CDH18: variants seen among roughly 807,000 people sequenced by gnomAD.
CDH18 encodes cadherin-18.
CDH18 carries 31 observed loss-of-function variants against 67.9 expected under a neutral mutation model. That is an observed-to-expected ratio of 0.46 (90% CI 0.34 to 0.62). The LOEUF is 0.62. Ranked by LOEUF, CDH18 falls within the 20% of genes least tolerant of loss-of-function variation. The pLI is 0.01. For synonymous variants in CDH18, 362 were observed against 347.2 expected (o/e 1.04, Z -0.48); for missense variants, 890 against 975.5 (o/e 0.91, Z 1.17).
chr5:20,534,368 G>A (rs1756589670), intron 1 of CDH18, among the ~76,000 whole-genome samples: 1 of 151,856 alleles, frequency 6.6e-6, no homozygotes, highest in African/African-American at 2.4e-5. Context: ...TCTTGATATT[G>A]CACAAAAAGA....
chr5:19,805,186 G>T lies in CDH18; in HGVS notation c.228+33573C>A, dbSNP rs549236628. ...AGTCTCAAAACTCCTGGGCTCAAGA[G>T]ATCCACCTGCCTCAGCCTCCCAAAG... On this transcript the variant is annotated intron_variant, in intron 3 of 12. Transcript: ENST00000382275. Among the ~76,000 whole-genome samples, 4 of 152,170 alleles carry T rather than the reference G, an allele frequency of 2.6e-5. 1 individual carries two copies. In the South Asian group the frequency reaches 8.3e-4, roughly 32 times the overall value.
chr5:20,172,226 A>ATATATATATATATATATG (rs1736861001), intron 2 of CDH18, among the ~76,000 whole-genome samples: 1 of 105,848 alleles, frequency 9.4e-6, no homozygotes. Context: ...ATATATATGT[A>ATATATATATATATATATG]TATATATATA....
At position 19,811,078 on chromosome 5, in the gene CDH18, AAAAGAAAGAAAGAAAG is replaced by A. The variant is rs573517217; in HGVS notation, c.228+27665_228+27680del. On this transcript the variant is annotated intron_variant, in intron 3 of 12. Transcript: ENST00000382275. ...AAGGAAAAGGGAAGGGAGAAAGAGA[AAAAGAAAGAAAGAAAG>A]AAAGAAAGAAAGAAAGAAAGAAAGA... is the stretch of plus-strand genomic sequence containing the variant. 3.1e-3 allele frequency among the ~76,000 whole-genome samples: 393 copies of A among 124,872 alleles called. 11 individuals carry two copies. In the East Asian group the frequency reaches 0.036, roughly 12 times the overall value. The allele number at this position is 124,872 out of a possible 152,430, so 81.9% of individuals were successfully genotyped here.
chr5:19,972,502 C>T lies in CDH18; in HGVS notation c.-257+8558G>A, dbSNP rs59354868. On this transcript the variant is annotated intron_variant, in intron 2 of 12. Transcript: ENST00000382275. ...AGTGGCAAATTAAAACAATTGATGACTCCAGTTTAAGAGTATGAATGTTCA... is the reference window on the plus strand; with the variant it reads ...AGTGGCAAATTAAAACAATTGATGATTCCAGTTTAAGAGTATGAATGTTCA... 7.1e-3 allele frequency among the ~76,000 whole-genome samples: 1,082 copies of T among 152,006 alleles called. 13 individuals are homozygous for T. The highest frequency in any genetic ancestry group is 0.025 in the African/African-American group (1,029 of 41,500).
intron 9 of CDH18, among the ~76,000 whole-genome samples, chr5:19,529,885 G>C (rs1261930549): frequency 6.6e-6 from 1 of 152,070 alleles, no homozygotes; most frequent in Non-Finnish European, 1.5e-5. Context: ...TTGAAACTTA[G>C]ATTCAGTGTA....
intron 1 of CDH18, among the ~76,000 whole-genome samples, chr5:20,354,158 T>C (rs1741420808): frequency 6.6e-6 from 1 of 152,182 alleles, no homozygotes; most frequent in East Asian, 1.9e-4. Context: ...CAAAACATTA[T>C]AAATAATACA....
intron 1 of CDH18, among the ~76,000 whole-genome samples, chr5:20,499,617 T>A (rs1754125618): frequency 6.6e-6 from 1 of 152,138 alleles, no homozygotes; most frequent in Non-Finnish European, 1.5e-5. Context: ...CATTTTGAAC[T>A]AATGCTCAGA....
intron 2 of CDH18, among the ~76,000 whole-genome samples, chr5:20,020,368 TTA>T (rs1227403279): frequency 1.1e-4 from 16 of 152,032 alleles, no homozygotes; most frequent in African/African-American, 3.9e-4. Context: ...GAGCTGAACG[TTA>T]ATAGCTAAGA....
At chr5:19,706,695 G>T (rs779076535) in intron 5 of CDH18, among the ~76,000 whole-genome samples, 1 of 152,132 alleles carries the variant, frequency 6.6e-6, no homozygotes, top group Non-Finnish European at 1.5e-5. Flanking sequence ...AACAGACAAT[G>T]CCCCAGGCTA....
chr5:19,808,564 G>A (rs945678269), intron 3 of CDH18, among the ~76,000 whole-genome samples: 3 of 151,932 alleles, frequency 2.0e-5, no homozygotes, highest in East Asian at 1.9e-4. Flanking sequence ...GGTGGCTCAC[G>A]CTTATAATCT....
At chr5:19,545,313 T>C (rs1736126249) in intron 8 of CDH18, among the ~76,000 whole-genome samples, 1 of 152,142 alleles carries the variant, frequency 6.6e-6, no homozygotes, top group South Asian at 2.1e-4. Flanking sequence ...AGAAAACAAA[T>C]CTATGTCAAT....
intron 1 of CDH18, among the ~76,000 whole-genome samples, chr5:20,535,940 T>C (rs919004343): frequency 2.0e-5 from 3 of 152,176 alleles, no homozygotes; most frequent in African/African-American, 7.2e-5. Context: ...TTTCACTTTC[T>C]ACTTGCTACA....
intron 3 of CDH18, among the ~76,000 whole-genome samples, chr5:19,795,367 A>G (rs2149827992): frequency 6.6e-6 from 1 of 152,276 alleles, no homozygotes; most frequent in African/African-American, 2.4e-5. Flanking sequence ...GTCTAAGTAC[A>G]GCAGGAAAAC....
intron 1 of CDH18, among the ~76,000 whole-genome samples, chr5:20,319,926 A>C (rs1206543815): frequency 6.6e-6 from 1 of 152,216 alleles, no homozygotes; most frequent in African/African-American, 2.4e-5. Flanking sequence ...AATACACTTT[A>C]ATTAACCTGA....
At chr5:20,300,614 A>G (rs547903907) in intron 1 of CDH18, among the ~76,000 whole-genome samples, 1 of 152,270 alleles carries the variant, frequency 6.6e-6, no homozygotes, top group Non-Finnish European at 1.5e-5. Flanking sequence ...TCGGTCAATC[A>G]TCAAGAGAAT....
intron 1 of CDH18, among the ~76,000 whole-genome samples, chr5:20,456,814 G>T (rs1750867677): frequency 6.6e-6 from 1 of 152,094 alleles, no homozygotes; most frequent in South Asian, 2.1e-4. Flanking sequence ...GAATGTAGCT[G>T]CCTAGATTTT....
intron 5 of CDH18, among the ~76,000 whole-genome samples, chr5:19,619,043 T>C (rs1163118511): frequency 6.6e-6 from 1 of 152,112 alleles, no homozygotes; most frequent in Admixed American, 6.5e-5. Context: ...TTATATGCTA[T>C]ATATATTACA....
chr5:20,111,925 T>A (rs1240069548), intron 2 of CDH18, among the ~76,000 whole-genome samples: 1 of 152,194 alleles, frequency 6.6e-6, no homozygotes, highest in Non-Finnish European at 1.5e-5. Context: ...ATTACACTTG[T>A]CAGTAAAGTA....
At chr5:20,395,653 A>C (rs1745222348) in intron 1 of CDH18, among the ~76,000 whole-genome samples, 1 of 152,222 alleles carries the variant, frequency 6.6e-6, no homozygotes, top group African/African-American at 2.4e-5. Flanking sequence ...ATAATGTCCC[A>C]AAACCCTTGG....
Sources: gnomAD v4.1 joint callset for allele counts (sites outside exome capture counted in the v4.1 genomes callset) on GRCh38, gnomAD v4.1.1 for gene constraint, MANE v1.5 for transcripts, NCBI Gene and HGNC (gene_info 2026-07-23, HGNC 2026-07-21) for gene names.